The following GRXCR1 variants were observed in gnomAD, a reference collection of about 807,000 sequenced individuals.
The protein encoded by GRXCR1 is glutaredoxin domain-containing cysteine-rich protein 1.
In GRXCR1, 27 loss-of-function variants were observed where a neutral mutation model predicts 27.3. That is an observed-to-expected ratio of 0.99 (90% CI 0.73 to 1.37). The LOEUF is 1.37. Ranked by LOEUF, GRXCR1 falls within the 40% of genes most tolerant of loss-of-function variation. GRXCR1 has a pLI of 0.00. For missense variants in GRXCR1, 379 were observed against 354.4 expected (o/e 1.07, Z -0.56); for synonymous variants, 122 against 131.1 (o/e 0.93, Z 0.47).
At chr4:43,003,700 A>G (rs1052151865) in intron 2 of GRXCR1, among the ~76,000 whole-genome samples, 1 of 152,324 alleles carries the variant, frequency 6.6e-6, no homozygotes, top group African/African-American at 2.4e-5. Flanking sequence ...GATTTACAGC[A>G]TCTGGCAGAA....
intron 3 of GRXCR1, 144 bp from the exon 4 acceptor site, chr4:43,030,217 A>G: frequency 1.4e-6 from 1 of 716,348 alleles, no homozygotes; most frequent in Non-Finnish European, 2.5e-6. Context: ...ATGTGTATTA[A>G]TGGTAGGTGA....
intron 1 of GRXCR1, among the ~76,000 whole-genome samples, chr4:42,927,342 T>C (rs1443980400): frequency 6.6e-6 from 1 of 151,920 alleles, no homozygotes; most frequent in Non-Finnish European, 1.5e-5. Context: ...AAAAGTTAGT[T>C]AACAAGGCCA....
intron 1 of GRXCR1, among the ~76,000 whole-genome samples, chr4:42,914,515 G>T (rs935353508): frequency 1.3e-5 from 2 of 152,200 alleles, no homozygotes; most frequent in African/African-American, 2.4e-5. Context: ...CATTGTATCT[G>T]GGAAGTAACT....
chr4:42,999,368 T>C (rs1712275914), intron 2 of GRXCR1, among the ~76,000 whole-genome samples: 1 of 152,216 alleles, frequency 6.6e-6, no homozygotes, highest in Non-Finnish European at 1.5e-5. Context: ...AGCTTCCACT[T>C]AAACATGAGC....
At chr4:42,955,555 T>C (rs1747982428) in intron 1 of GRXCR1, among the ~76,000 whole-genome samples, 1 of 152,126 alleles carries the variant, frequency 6.6e-6, no homozygotes, top group African/African-American at 2.4e-5. Context: ...GTCAACTCTG[T>C]CTCCTTGTCA....
intron 3 of GRXCR1, 71 bp from the exon 4 acceptor site, chr4:43,030,290 C>A (rs553307162): frequency 7.1e-7 from 1 of 1,399,510 alleles, no homozygotes; most frequent in South Asian, 1.2e-5. Context: ...TCAGAAAGAC[C>A]GGGAGGCTGA....
chr4:43,016,561 T>C (rs1451018140), intron 2 of GRXCR1, among the ~76,000 whole-genome samples: 1 of 152,168 alleles, frequency 6.6e-6, no homozygotes, highest in Non-Finnish European at 1.5e-5. Context: ...TACATTTATT[T>C]GTGTAATCTT....
rs1009507569 is a variant in GRXCR1 at position 42,943,184 on chromosome 4, T to C, written c.385-19708T>C. 5.9e-5 allele frequency among the ~76,000 whole-genome samples: 9 copies of C among 152,230 alleles called. No homozygotes were observed. The South Asian group carries it at 6.2e-4, about 11-fold the overall frequency. On this transcript the variant is annotated intron_variant, in intron 1 of 3. Transcript: ENST00000399770. ...CCACCTTTCTAAAAAATAACACATA[T>C]AGGTAAATTTTCAATAACATGGGAA...
Position 42,921,976 on chromosome 4 carries a change from C to T in GRXCR1, c.384+28326C>T, listed in dbSNP as rs183674979. Among the ~76,000 whole-genome samples, 125 of 152,226 alleles carry T rather than the reference C, an allele frequency of 8.2e-4. 1 individual carries two copies. Among genetic ancestry groups the T allele is most frequent in the African/African-American group, 2.8e-3 (118 of 41,562 alleles). On this transcript the variant is annotated intron_variant, in intron 1 of 3. Coordinates refer to ENST00000399770, the MANE Select transcript of GRXCR1 (RefSeq NM_001080476.3). ...ACAGTGTTTCTTGTTTATCACTTCT[C>T]TGGCATTGGTTGGTGGCCACAGATT...
intron 2 of GRXCR1, among the ~76,000 whole-genome samples, chr4:42,984,903 A>G (rs545818144): frequency 6.6e-5 from 10 of 152,152 alleles, no homozygotes; most frequent in South Asian, 4.1e-4. Context: ...GGCTCAGTCC[A>G]CATGTACCAG....
rs111484925 is a variant in GRXCR1 at position 42,945,205 on chromosome 4, C to G, written c.385-17687C>G. Among the ~76,000 whole-genome samples the G allele has an allele frequency of 3.5e-3, 529 of 152,252 alleles. 2 individuals are homozygous for G. Among genetic ancestry groups the G allele is most frequent in the African/African-American group, 0.012 (501 of 41,576 alleles). ...GTCTTGCTTTTGGGCTTCCCAGCCT[C>G]CAGAACTGTGAGAAATAAATTTCTG... On this transcript the variant is annotated intron_variant, in intron 1 of 3. Coordinates refer to ENST00000399770, the MANE Select transcript of GRXCR1 (RefSeq NM_001080476.3).
At chr4:43,009,243 C>T (rs1422828830) in intron 2 of GRXCR1, among the ~76,000 whole-genome samples, 1 of 152,088 alleles carries the variant, frequency 6.6e-6, no homozygotes, top group Non-Finnish European at 1.5e-5. Flanking sequence ...AGGTAGAATC[C>T]CTGGAGAAAT....
intron 1 of GRXCR1, among the ~76,000 whole-genome samples, chr4:42,945,009 G>A (rs938964396): frequency 5.7e-4 from 86 of 152,052 alleles, no homozygotes; most frequent in African/African-American, 2.0e-3. Context: ...TAAAGGAGGT[G>A]AATCCTTTAG....
At chr4:43,018,890 T>C (rs1713012244) in intron 2 of GRXCR1, among the ~76,000 whole-genome samples, 1 of 152,218 alleles carries the variant, frequency 6.6e-6, no homozygotes, top group Non-Finnish European at 1.5e-5. Flanking sequence ...TCTGTATTCC[T>C]GGCCCAACTA....
chr4:43,014,856 G>A (rs2109804532), intron 2 of GRXCR1, among the ~76,000 whole-genome samples: 2 of 152,272 alleles, frequency 1.3e-5, no homozygotes, highest in African/African-American at 4.8e-5. Flanking sequence ...TATCTATGGT[G>A]CACTACACAA....
chr4:42,998,247 CAT>C (rs1712239400), intron 2 of GRXCR1, among the ~76,000 whole-genome samples: 1 of 152,172 alleles, frequency 6.6e-6, no homozygotes, highest in Non-Finnish European at 1.5e-5. Flanking sequence ...TGTTGAAAAA[CAT>C]CAGCAAATTC....
At chr4:42,945,198 C>T (rs887220367) in intron 1 of GRXCR1, among the ~76,000 whole-genome samples, 2 of 152,128 alleles carry the variant, frequency 1.3e-5, no homozygotes, top group African/African-American at 2.4e-5. Context: ...TTTGGGCTTC[C>T]CAGCCTCCAG....
chr4:42,968,038 G>A (rs1004234525), intron 2 of GRXCR1, among the ~76,000 whole-genome samples: 2 of 152,088 alleles, frequency 1.3e-5, no homozygotes, highest in Non-Finnish European at 2.9e-5. Flanking sequence ...ATACTGATCA[G>A]CACTCTGCTG....
chr4:42,985,018 TCCTAAGTGTATGATA>T (rs1711661564), intron 2 of GRXCR1, among the ~76,000 whole-genome samples: 1 of 152,092 alleles, frequency 6.6e-6, no homozygotes, highest in South Asian at 2.1e-4. Flanking sequence ...CCTTCCTTAA[TCCTAAGTGTATGATA>T]CCTCACTCAG....
Sources: allele counts gnomAD v4.1 joint callset (sites outside exome capture counted in the v4.1 genomes callset), GRCh38; gene constraint gnomAD v4.1.1; transcripts MANE v1.5; gene names NCBI Gene and HGNC (gene_info 2026-07-23, HGNC 2026-07-21).